Variants in CDH17 observed in about 807,000 individuals in gnomAD.
CDH17 encodes cadherin 17.
A neutral mutation model predicts 86.3 loss-of-function variants in CDH17; 67 were observed. The observed-to-expected ratio is 0.78, with a 90% confidence interval of 0.64 to 0.95. The LOEUF (loss-of-function observed/expected upper bound fraction) is 0.95, where lower values mean the gene tolerates loss of function less well. Among genes scored for constraint, CDH17 ranks in the 40% least tolerant of loss-of-function variants. CDH17 has a pLI of 0.00. For missense variants in CDH17, 993 were observed against 1,017.6 expected, an observed-to-expected ratio of 0.98 and a Z score of 0.33; for synonymous variants, 367 against 366.4, an observed-to-expected ratio of 1.00 and a Z score of -0.02.
intron 3 of CDH17, among the ~76,000 whole-genome samples, chr8:94,180,722 C>T (rs144974550): frequency 6.6e-6 from 1 of 152,014 alleles, no homozygotes; most frequent in African/African-American, 2.4e-5. Context: ...GGTGAAACCC[C>T]ATCTCTACTA....
chr8:94,165,772 A>G lies in CDH17; in HGVS notation c.1271T>C (p.Val424Ala). The G allele has an allele frequency of 2.5e-6, 4 of 1,608,310 alleles. No homozygotes were observed. The highest frequency in any genetic ancestry group is 3.4e-6 in the Non-Finnish European group (4 of 1,174,754). ...DTPQYNLTIE[V>A]SDKDFKTLCF... The stretch of plus-strand genomic sequence containing the variant: ...GATATGATACTAACCTTTGTCAGAC[A>G]CCTCTATCGTTAAGTTGTACTGAGG... The change falls in exon 10 of 18, where the codon GTG becomes GCG. Residue 424 changes from valine (V) to alanine (A), a missense_variant. Physicochemically the swap from Val to Ala is moderately conservative, Grantham distance 64 (BLOSUM62 0). Transcript: ENST00000027335.
intron 15 of CDH17, among the ~76,000 whole-genome samples, chr8:94,134,711 G>A (rs1812488462): frequency 6.6e-6 from 1 of 152,016 alleles, no homozygotes; most frequent in South Asian, 2.1e-4. Context: ...GCTTTTGAAT[G>A]TGTTTGCTCT....
rs1346685843 is a variant in CDH17 at position 94,134,949 on chromosome 8, G to A, written c.2168-3957C>T. On this transcript the variant is annotated intron_variant, in intron 15 of 17. Transcript: ENST00000027335. ...TAGTCATTCAGGAGCAGCTTGTTCA[G>A]TTTCCATGTAGTTGTGTGGTTTTGA... Among the ~76,000 whole-genome samples, 3 of 152,126 alleles carry A rather than the reference G, an allele frequency of 2.0e-5. No individual in the cohort carries two copies. In the East Asian group the frequency reaches 5.8e-4, roughly 29 times the overall value.
chr8:94,129,525 G>A (rs963443628), intron 17 of CDH17, among the ~76,000 whole-genome samples: 3 of 152,072 alleles, frequency 2.0e-5, no homozygotes, highest in African/African-American at 7.2e-5. Flanking sequence ...ATCAGATGCT[G>A]AGAGAACAAT....
intron 10 of CDH17, 36 bp downstream of exon 10, chr8:94,165,725 A>G (rs978319373): frequency 4.4e-6 from 6 of 1,364,132 alleles, no homozygotes; most frequent in South Asian, 1.2e-5. Flanking sequence ...AAGGAAAACA[A>G]TGATTTGCAC....
At chr8:94,147,546 C>T (rs918689011) in intron 14 of CDH17, among the ~76,000 whole-genome samples, 1 of 152,040 alleles carries the variant, frequency 6.6e-6, no homozygotes, top group Non-Finnish European at 1.5e-5. Flanking sequence ...TTGTTTAATT[C>T]TCTTTTTTGG....
At position 94,167,618 on chromosome 8, in the gene CDH17, T is replaced by A. The variant is rs114163440; in HGVS notation, c.1067-1642A>T. Reference sequence around the variant, plus strand: ...CATATGCCCTTGCAAGAAAAGTATCTGTGTGCTGGGATGAAAGAGTGTCTT... The same window carrying A: ...CATATGCCCTTGCAAGAAAAGTATCAGTGTGCTGGGATGAAAGAGTGTCTT... On this transcript the variant is annotated intron_variant, in intron 9 of 17. Transcript: ENST00000027335. Among the ~76,000 whole-genome samples the A allele has an allele frequency of 6.5e-3, 996 of 152,314 alleles. 8 individuals are homozygous for A. The highest frequency in any genetic ancestry group is 0.022 in the African/African-American group (921 of 41,554).
chr8:94,137,920 G>C (rs1812562957), intron 15 of CDH17, among the ~76,000 whole-genome samples: 1 of 152,164 alleles, frequency 6.6e-6, no homozygotes, highest in Admixed American at 6.5e-5. Flanking sequence ...ACCTGGGACT[G>C]AGCTTCTGTA....
chr8:94,162,143 A>C lies in CDH17; in HGVS notation c.1302T>G (p.Phe434Leu). The C allele has an allele frequency of 6.2e-7, 1 of 1,608,532 alleles. No homozygotes were observed. Among genetic ancestry groups the C allele is most frequent in the Admixed American group, 1.7e-5 (1 of 59,988 alleles). The change falls in exon 11 of 18, where the codon TTT becomes TTG. Residue 434 changes from phenylalanine (F) to leucine (L), a missense_variant. By Grantham distance (22) the Phe-to-Leu change is conservative (BLOSUM62 0). Transcript: ENST00000027335. The stretch of plus-strand genomic sequence containing the variant: ...TGATATCAATAACGTTGATTTGCAC[A>C]AAACAAAGGGTCTTGAAATCTGAAA... Reference protein sequence around the residue: ...VSDKDFKTLCFVQINVIDIND... With the variant: ...VSDKDFKTLCLVQINVIDIND...
At chr8:94,201,662 T>C (rs1268819407) in intron 1 of CDH17, among the ~76,000 whole-genome samples, 3 of 152,150 alleles carry the variant, frequency 2.0e-5, no homozygotes, top group African/African-American at 7.2e-5. Context: ...TCCCGTTCTG[T>C]GGTATTTTGT....
intron 1 of CDH17, among the ~76,000 whole-genome samples, chr8:94,200,827 G>A (rs567032913): frequency 7.9e-5 from 12 of 152,194 alleles, no homozygotes; most frequent in African/African-American, 2.9e-4. Context: ...AACATTGACT[G>A]AAAACAATTT....
chr8:94,141,961 G>A (rs1041606889), intron 15 of CDH17, among the ~76,000 whole-genome samples: 2 of 152,144 alleles, frequency 1.3e-5, no homozygotes, highest in African/African-American at 4.8e-5. Flanking sequence ...GCCTTATACA[G>A]CTACAGCAAT....
At chr8:94,216,786 C>CGAGA in intron 1 of CDH17, among the ~76,000 whole-genome samples, 1 of 152,274 alleles carries the variant, frequency 6.6e-6, no homozygotes, top group East Asian at 1.9e-4. Flanking sequence ...TTCTTTATCT[C>CGAGA]TAAAGAGAGG....
In CDH17 at chr8:94,194,273, G is replaced by A. The variant is rs576987591; in HGVS notation, c.51+362C>T. ...ATGTTTTGGTGGTAAGTTTTCATGC[G>A]CAAAGTTTAAAAAAGAAAGTCAAGA... On this transcript the variant is annotated intron_variant, in intron 2 of 17. Transcript: ENST00000027335. Among the ~76,000 whole-genome samples, 201 of 152,258 alleles carry A rather than the reference G, an allele frequency of 1.3e-3. 2 individuals are homozygous for A. Among genetic ancestry groups the A allele is most frequent in the South Asian group, 0.013 (62 of 4,828 alleles).
At chr8:94,143,167 C>T (rs148310403) in intron 15 of CDH17, among the ~76,000 whole-genome samples, 40 of 152,308 alleles carry the variant, frequency 2.6e-4, no homozygotes, top group African/African-American at 9.6e-4. Flanking sequence ...CTGGGGCCTG[C>T]AGAATGGATG....
intron 1 of CDH17, among the ~76,000 whole-genome samples, chr8:94,199,065 ATATATATATATATATATATTTTTT>A (rs1234490448): frequency 5.1e-5 from 1 of 19,490 alleles, no homozygotes; most frequent in African/African-American, 1.9e-4. Flanking sequence ...ATATATATAT[ATATATATATATATATATATTTTTT>A]TTTTTTTATC....
At chr8:94,164,507 T>C (rs1046204543) in intron 10 of CDH17, among the ~76,000 whole-genome samples, 7 of 152,224 alleles carry the variant, frequency 4.6e-5, no homozygotes, top group African/African-American at 1.7e-4. Flanking sequence ...TACTTACATC[T>C]GTTCTATCTC....
chr8:94,149,990 C>T (rs1307998056), intron 13 of CDH17, among the ~76,000 whole-genome samples: 1 of 152,150 alleles, frequency 6.6e-6, no homozygotes, highest in African/African-American at 2.4e-5. Flanking sequence ...GAATTACATG[C>T]ATACATCTAT....
At chr8:94,190,009 CA>C (rs34309352) in intron 2 of CDH17, among the ~76,000 whole-genome samples, 7,079 of 152,288 alleles carry the variant, frequency 0.046, 194 homozygotes, top group African/African-American at 0.059. Flanking sequence ...GCTCTGCAGA[CA>C]CCCAAGTCAA....
Sources: gnomAD v4.1 joint callset for allele counts (sites outside exome capture counted in the v4.1 genomes callset) on GRCh38, gnomAD v4.1.1 for gene constraint, MANE v1.5 for transcripts, NCBI Gene and HGNC (gene_info 2026-07-23, HGNC 2026-07-21) for gene names.